DLG5: variants seen among roughly 807,000 people sequenced by gnomAD.
The protein encoded by DLG5 is discs large MAGUK scaffold protein 5.
A neutral mutation model predicts 189.8 loss-of-function variants in DLG5; 48 were observed. The ratio of observed to expected loss-of-function variants is 0.25; its 90% CI spans 0.20 to 0.32. DLG5 has a LOEUF of 0.32. Ranked by LOEUF, DLG5 falls within the 10% of genes least tolerant of loss-of-function variation. The probability of loss-of-function intolerance (pLI) is 1.00; values close to 1 mark genes in which losing one functional copy is unlikely to be tolerated. For synonymous variants in DLG5, 1,016 were observed against 1,054.1 expected, an observed-to-expected ratio of 0.96 and a Z score of 0.70; for missense variants, 2,160 against 2,544.7, an observed-to-expected ratio of 0.85 and a Z score of 3.25.
At chr10:77,900,370 C>T (rs558080526) in intron 1 of DLG5, among the ~76,000 whole-genome samples, 1 of 152,300 alleles carries the variant, frequency 6.6e-6, no homozygotes, top group South Asian at 2.1e-4. Context: ...CATATCCTCA[C>T]GCTTCTGCTT....
chr10:77,897,736 GAC>G (rs971410851), intron 1 of DLG5, among the ~76,000 whole-genome samples: 25 of 149,454 alleles, frequency 1.7e-4, no homozygotes, highest in Middle Eastern at 3.5e-3. Context: ...ATAGGAAAGA[GAC>G]AAAAGAAAAG....
At chr10:77,907,411 T>C (rs2131823863) in intron 1 of DLG5, among the ~76,000 whole-genome samples, 1 of 152,228 alleles carries the variant, frequency 6.6e-6, no homozygotes, top group East Asian at 1.9e-4. Context: ...AAACCCTGTC[T>C]CTATAAAAAA....
chr10:77,830,908 G>A (rs200763733), intron 9 of DLG5, 35 bp from the exon 10 acceptor site: 1 of 1,609,500 alleles, frequency 6.2e-7, no homozygotes, highest in Admixed American at 1.7e-5. Context: ...ACAGCCCCTT[G>A]GGAGGTGAAA....
In DLG5 at chr10:77,855,292, G is replaced by C. The variant is rs537338961; in HGVS notation, c.537-922C>G. Among the ~76,000 whole-genome samples the C allele has an allele frequency of 4.6e-5, 7 of 152,294 alleles. No individual in the cohort carries two copies. In the East Asian group the frequency reaches 1.4e-3, roughly 29 times the overall value. On this transcript the variant is annotated intron_variant, in intron 3 of 31. Transcript: ENST00000372391. ...AACTTGTCACAAATAGACATTCTCA[G>C]GCCTAGCCCCAGCCCCAGCCCTCCT... is the stretch of plus-strand genomic sequence containing the variant.
chr10:77,843,310 C>T, intron 6 of DLG5, 137 bp downstream of exon 6: 1 of 1,084,782 alleles, frequency 9.2e-7, no homozygotes, highest in Non-Finnish European at 1.3e-6. Flanking sequence ...CATTCAGTGT[C>T]AAAAAAAAAT....
At chr10:77,895,055 G>C (rs1845717983) in intron 1 of DLG5, among the ~76,000 whole-genome samples, 1 of 152,238 alleles carries the variant, frequency 6.6e-6, no homozygotes, top group African/African-American at 2.4e-5. Context: ...GAAGAAAAGT[G>C]ATGAGCAGGT....
intron 1 of DLG5, among the ~76,000 whole-genome samples, chr10:77,914,636 C>T (rs1846312417): frequency 6.6e-6 from 1 of 152,092 alleles, no homozygotes; most frequent in Admixed American, 6.5e-5. Flanking sequence ...CCAAGAATGC[C>T]CCCTGGGTCA....
At chr10:77,926,909 G>T, upstream of DLG5, 1 of 348,212 alleles carries the variant, frequency 2.9e-6, no homozygotes, top group Non-Finnish European at 5.9e-6. The surrounding 1 kb of genome is among the most constrained non-coding windows in gnomAD (Gnocchi z 5.2). Flanking sequence ...AACTCGCCCC[G>T]AAAGCCGGGC....
At chr10:77,909,060 C>A (rs901179771) in intron 1 of DLG5, among the ~76,000 whole-genome samples, 2 of 152,206 alleles carry the variant, frequency 1.3e-5, no homozygotes, top group African/African-American at 4.8e-5. Context: ...TGGTAGATAT[C>A]TTTCCATCTT....
In DLG5 at chr10:77,841,864, C is replaced by T; in HGVS notation, c.1437+17G>A. The stretch of plus-strand genomic sequence containing the variant: ...TGTAGGAGAGGCTGAAAGCCAGCCA[C>T]CGGCCCACCCACCTACCTGCCGCAG... On this transcript the variant is annotated intron_variant, in intron 7 of 31. Coordinates refer to ENST00000372391, the MANE Select transcript of DLG5 (RefSeq NM_004747.4). The T allele has an allele frequency of 6.3e-7, 1 of 1,598,178 alleles. No individual in the cohort carries two copies. The highest frequency in any genetic ancestry group is 1.1e-5 in the South Asian group (1 of 89,246).
At chr10:77,886,644 C>T (rs886442402) in intron 1 of DLG5, among the ~76,000 whole-genome samples, 7 of 152,154 alleles carry the variant, frequency 4.6e-5, no homozygotes, top group Non-Finnish European at 1.0e-4. Context: ...CGTGAGCCAA[C>T]GCGCCCTGCC....
chr10:77,888,631 A>AAT (rs532666825), intron 1 of DLG5, among the ~76,000 whole-genome samples: 22 of 152,308 alleles, frequency 1.4e-4, no homozygotes, highest in South Asian at 1.0e-3. Flanking sequence ...CTCTTAAGAT[A>AAT]GTCTCAAAAG....
the DLG5 span, among the ~76,000 whole-genome samples, chr10:77,933,525 C>G: frequency 6.6e-6 from 1 of 152,072 alleles, no homozygotes; most frequent in African/African-American, 2.4e-5. Flanking sequence ...AACTCCTGCC[C>G]TCAGGTGATC....
At chr10:77,915,411 G>A (rs964580064) in intron 1 of DLG5, among the ~76,000 whole-genome samples, 5 of 151,904 alleles carry the variant, frequency 3.3e-5, no homozygotes, top group Middle Eastern at 3.2e-3. Context: ...GATGGTATAC[G>A]TTGATGCTCC....
intron 20 of DLG5, among the ~76,000 whole-genome samples, chr10:77,812,624 C>T (rs1288027288): frequency 6.6e-6 from 1 of 152,206 alleles, no homozygotes; most frequent in African/African-American, 2.4e-5. Context: ...GCCAAAGACA[C>T]AGAGAACGGT....
At chr10:77,809,422 G>C in intron 24 of DLG5, 125 bp downstream of exon 24, 5 of 1,110,620 alleles carry the variant, frequency 4.5e-6, no homozygotes, top group Non-Finnish European at 6.4e-6. Context: ...AACAACAAAA[G>C]TCAGCCCTGA....
chr10:77,795,750 G>A (rs1388667033), intron 29 of DLG5, among the ~76,000 whole-genome samples: 1 of 152,162 alleles, frequency 6.6e-6, no homozygotes, highest in East Asian at 1.9e-4. Context: ...GTTCCGGAAT[G>A]CCCTGCGAGA....
intron 20 of DLG5, 89 bp from the exon 21 acceptor site, chr10:77,812,466 C>T (rs2154575323): frequency 6.8e-7 from 1 of 1,475,880 alleles, no homozygotes; most frequent in Non-Finnish European, 9.2e-7. Flanking sequence ...TATGATCTGA[C>T]AGTGCAGAAA....
intron 1 of DLG5, among the ~76,000 whole-genome samples, chr10:77,873,013 ATGTGTG>A (rs112644933): frequency 8.0e-6 from 1 of 124,788 alleles, no homozygotes; most frequent in Non-Finnish European, 1.7e-5. Flanking sequence ...CAGCCTCCTG[ATGTGTG>A]TGTGTGTGTG....
Sources: allele counts gnomAD v4.1 joint callset (sites outside exome capture counted in the v4.1 genomes callset), GRCh38; gene constraint gnomAD v4.1.1; non-coding constraint Gnocchi (gnomAD v3.1); transcripts MANE v1.5; gene names NCBI Gene and HGNC (gene_info 2026-07-23, HGNC 2026-07-21).